MYO3B: variants seen among roughly 807,000 people sequenced by gnomAD.
MYO3B encodes the protein myosin IIIB.
A neutral mutation model predicts 174.6 loss-of-function variants in MYO3B; 156 were observed. The ratio of observed to expected loss-of-function variants is 0.89; its 90% CI spans 0.78 to 1.02. The LOEUF is 1.02. MYO3B is among the 50% of genes least tolerant of loss of function. MYO3B has a pLI of 0.00. For synonymous variants in MYO3B, 563 were observed against 569.1 expected (o/e 0.99, Z 0.15); for missense variants, 1,632 against 1,639.4 (o/e 1.00, Z 0.08).
chr2:170,257,181 C>T (rs983405784), intron 7 of MYO3B, among the ~76,000 whole-genome samples: 1 of 151,964 alleles, frequency 6.6e-6, no homozygotes, highest in African/African-American at 2.4e-5. Flanking sequence ...AGTGTTAGAT[C>T]ATCAAGGCAA....
At chr2:170,502,748 G>T (rs1687356537) in intron 28 of MYO3B, among the ~76,000 whole-genome samples, 1 of 152,182 alleles carries the variant, frequency 6.6e-6, no homozygotes, top group Non-Finnish European at 1.5e-5. Context: ...AGACTCAGCA[G>T]CAGAGAGAGT....
At chr2:170,241,807 T>C (rs965573188) in intron 7 of MYO3B, among the ~76,000 whole-genome samples, 3 of 152,124 alleles carry the variant, frequency 2.0e-5, no homozygotes, top group Non-Finnish European at 2.9e-5. Context: ...TGGGCTAAAT[T>C]TTTATCTTAC....
At chr2:170,561,662 T>C (rs1691719053) in intron 32 of MYO3B, among the ~76,000 whole-genome samples, 1 of 152,256 alleles carries the variant, frequency 6.6e-6, no homozygotes, top group Non-Finnish European at 1.5e-5. Flanking sequence ...ATCAATTTTA[T>C]GTTTGGGAAG....
chr2:170,578,877 G>A (rs149710721), intron 32 of MYO3B, among the ~76,000 whole-genome samples: 273 of 152,310 alleles, frequency 1.8e-3, no homozygotes, highest in African/African-American at 6.0e-3. Context: ...GCTCCAAAGC[G>A]CTTAGCATTT....
At chr2:170,635,344 G>C (rs191788893) in intron 32 of MYO3B, among the ~76,000 whole-genome samples, 1 of 152,226 alleles carries the variant, frequency 6.6e-6, no homozygotes, top group East Asian at 1.9e-4. Context: ...CCATCATTCT[G>C]AGCAAACTAT....
chr2:170,455,046 A>G (rs1468562122), intron 23 of MYO3B, among the ~76,000 whole-genome samples: 1 of 152,156 alleles, frequency 6.6e-6, no homozygotes, highest in Non-Finnish European at 1.5e-5. Flanking sequence ...AAATACCTCA[A>G]GCATTGATCT....
intron 32 of MYO3B, among the ~76,000 whole-genome samples, chr2:170,649,429 A>T (rs919780249): frequency 8.2e-5 from 7 of 85,440 alleles, no homozygotes; most frequent in Admixed American, 2.9e-4. Context: ...AAATATATAT[A>T]ATATATTACA....
At chr2:170,545,331 G>C (rs1352659381) in intron 32 of MYO3B, among the ~76,000 whole-genome samples, 1 of 152,204 alleles carries the variant, frequency 6.6e-6, no homozygotes, top group Non-Finnish European at 1.5e-5. Flanking sequence ...AAATAGTAAT[G>C]CATATCTGAG....
In MYO3B at chr2:170,466,693, T is replaced by C. The variant is rs780999784; in HGVS notation, c.2996T>C (p.Phe999Ser). The C allele has an allele frequency of 5.0e-6, 8 of 1,614,196 alleles. No individual in the cohort carries two copies. The South Asian group carries it at 7.7e-5, about 16-fold the overall frequency. Residue 999 changes from phenylalanine (F) to serine (S), a missense_variant, in exon 25 of 35, where the codon TTT becomes TCT. Coordinates refer to ENST00000408978, the MANE Select transcript of MYO3B (RefSeq NM_138995.5). ...CAGGGCTATTCCCACCGCATCCTTT[T>C]TGAAGAATTTGTGAAAAGGTCAGAC... ...RRQGYSHRIL[F>S]EEFVKRYYYL...
chr2:170,322,216 A>G (rs1438210312), intron 7 of MYO3B, among the ~76,000 whole-genome samples: 3 of 152,124 alleles, frequency 2.0e-5, no homozygotes, highest in African/African-American at 7.2e-5. Flanking sequence ...TGATTTTTGA[A>G]AAAGAAATCT....
intron 24 of MYO3B, 35 bp from the exon 25 acceptor site, chr2:170,466,471 T>C: frequency 1.2e-6 from 2 of 1,602,270 alleles, no homozygotes; most frequent in South Asian, 2.2e-5. Flanking sequence ...GTGTTGGTGG[T>C]AACCTTGTTC....
chr2:170,511,623 T>C (rs774427029), intron 28 of MYO3B, among the ~76,000 whole-genome samples: 4 of 152,228 alleles, frequency 2.6e-5, no homozygotes, highest in Non-Finnish European at 5.9e-5. Context: ...ATTTTACAGA[T>C]AGAAGCTAGG....
chr2:170,513,361 C>T (rs971152389), intron 28 of MYO3B, among the ~76,000 whole-genome samples: 2 of 152,236 alleles, frequency 1.3e-5, no homozygotes, highest in East Asian at 1.9e-4. Flanking sequence ...CCAAGTCTCT[C>T]TCCAGTCTCC....
chr2:170,251,948 G>A (rs1361637380), intron 7 of MYO3B, among the ~76,000 whole-genome samples: 1 of 152,178 alleles, frequency 6.6e-6, no homozygotes, highest in Non-Finnish European at 1.5e-5. Context: ...TTAGATCCAT[G>A]GCTGGATCTC....
At position 170,599,647 on chromosome 2, in the gene MYO3B, C is replaced by T. The variant is rs901083209; in HGVS notation, c.3734-51981C>T. Among the ~76,000 whole-genome samples the T allele has an allele frequency of 2.0e-5, 3 of 152,066 alleles. No homozygotes were observed. The East Asian group carries it at 5.8e-4, about 29-fold the overall frequency. On this transcript the variant is annotated intron_variant, in intron 32 of 34. Transcript: ENST00000408978. ...CCTGTAATCCCAGCTACTTGGGAGG[C>T]TGAGGCAGGAGAATTGCTTGAACCT...
In MYO3B at chr2:170,635,503, T is replaced by C. The variant is rs143534871; in HGVS notation, c.3734-16125T>C. 6.1e-3 allele frequency among the ~76,000 whole-genome samples: 933 copies of C among 152,178 alleles called. 11 individuals are homozygous for C. Among genetic ancestry groups the C allele is most frequent in the African/African-American group, 0.022 (894 of 41,524 alleles). On this transcript the variant is annotated intron_variant, in intron 32 of 34. Transcript: ENST00000408978. ...GGGGGAGGGATAGCATTAGGAGATA[T>C]ACCTAATGTAAATGACAAGTTAATG...
At chr2:170,315,298 A>T (rs563874708) in intron 7 of MYO3B, among the ~76,000 whole-genome samples, 4 of 145,980 alleles carry the variant, frequency 2.7e-5, no homozygotes, top group South Asian at 2.3e-4. Context: ...GTGAAGAGAC[A>T]TACAATTTAC....
intron 32 of MYO3B, among the ~76,000 whole-genome samples, chr2:170,592,178 G>C (rs1693857577): frequency 6.6e-6 from 1 of 152,126 alleles, no homozygotes; most frequent in Admixed American, 6.5e-5. Flanking sequence ...CACTAAAATT[G>C]TTCTCGTATG....
chr2:170,362,820 T>C (rs976787325), intron 8 of MYO3B, among the ~76,000 whole-genome samples: 1 of 152,218 alleles, frequency 6.6e-6, no homozygotes, highest in African/African-American at 2.4e-5. Flanking sequence ...AGGGGGGTGA[T>C]GTTTCACAGA....
Sources: allele counts gnomAD v4.1 joint callset (sites outside exome capture counted in the v4.1 genomes callset), GRCh38; gene constraint gnomAD v4.1.1; transcripts MANE v1.5; gene names NCBI Gene and HGNC (gene_info 2026-07-23, HGNC 2026-07-21).